Variants in WDHD1 observed in about 807,000 individuals in gnomAD.
WDHD1 encodes WD repeat and HMG-box DNA binding protein 1, also known as WD repeat and HMG-box DNA-binding protein 1.
A neutral mutation model predicts 135.4 loss-of-function variants in WDHD1; 111 were observed. That is an observed-to-expected ratio of 0.82 (90% confidence interval 0.70 to 0.96). WDHD1 has a LOEUF of 0.96. Ranked by LOEUF, WDHD1 falls within the 40% of genes least tolerant of loss-of-function variation. The probability of loss-of-function intolerance (pLI) is 0.00; values close to 1 mark genes in which losing one functional copy is unlikely to be tolerated. For missense variants in WDHD1, 1,351 were observed against 1,336.3 expected (o/e 1.01, Z -0.17); for synonymous variants, 434 against 439.0 (o/e 0.99, Z 0.14).
chr14:54,991,597 A>G (rs1260897241), intron 11 of WDHD1, among the ~76,000 whole-genome samples, 197 bp from the exon 12 acceptor site: 4 of 152,346 alleles, frequency 2.6e-5, no homozygotes, highest in Admixed American at 2.6e-4. Flanking sequence ...CTTGGCACCA[A>G]TCAAGGCAGT....
intron 16 of WDHD1, among the ~76,000 whole-genome samples, chr14:54,973,909 A>AT (rs925976319): frequency 1.3e-5 from 2 of 152,146 alleles, no homozygotes; most frequent in African/African-American, 4.8e-5. Flanking sequence ...ACCAATTCGC[A>AT]TTTTTTTATC....
At chr14:55,022,082 ACACCTT>A (rs1219341766) in intron 2 of WDHD1, among the ~76,000 whole-genome samples, 3 of 152,138 alleles carry the variant, frequency 2.0e-5, no homozygotes, top group African/African-American at 7.2e-5. Context: ...TACCAGTTTG[ACACCTT>A]CAGTATTGAA....
At chr14:54,988,000 A>G (rs1012136465) in intron 13 of WDHD1, among the ~76,000 whole-genome samples, 1 of 152,234 alleles carries the variant, frequency 6.6e-6, no homozygotes, top group African/African-American at 2.4e-5. Flanking sequence ...AATCAGCTGA[A>G]GAAGGGATCA....
intron 7 of WDHD1, chr14:55,005,265 C>G (rs2840268): frequency 0.37 from 199,563 of 537,188 alleles, 40,048 homozygotes; most frequent in African/African-American, 0.65. Flanking sequence ...ATGGTAGGTA[C>G]GTTAACATAA....
Position 54,972,553 on chromosome 14 carries a change from C to CA in WDHD1, c.2064-5160dup, listed in dbSNP as rs71410642. Among the ~76,000 whole-genome samples the CA allele has an allele frequency of 7.2e-3, 183 of 25,496 alleles. 46 individuals are homozygous for CA. The highest frequency in any genetic ancestry group is 0.01 in the East Asian group (10 of 966). The allele number at this position is 25,496 out of a possible 152,430, so 16.7% of individuals were successfully genotyped here. Reference sequence around the variant, plus strand: ...CCTGGGCAATAAAGCAAGACTGTCACAAAAAAAAAAAAAAAAAAAAAAAAA... The same window carrying CA: ...CCTGGGCAATAAAGCAAGACTGTCACAAAAAAAAAAAAAAAAAAAAAAAAAA... On this transcript the variant is annotated intron_variant, in intron 16 of 25. Transcript: ENST00000360586.
intron 14 of WDHD1, 95 bp downstream of exon 14, chr14:54,987,051 T>C: frequency 7.2e-7 from 1 of 1,390,764 alleles, no homozygotes; most frequent in South Asian, 1.4e-5. Flanking sequence ...CAAAAGGAAG[T>C]ATATAATCCA....
chr14:55,022,508 C>A (rs556891051), intron 2 of WDHD1, among the ~76,000 whole-genome samples: 2 of 152,134 alleles, frequency 1.3e-5, no homozygotes, highest in Admixed American at 1.3e-4. Flanking sequence ...ATGGCAAAAC[C>A]CCGTCTCTAC....
chr14:54,948,985 C>T (rs934327907), intron 24 of WDHD1, among the ~76,000 whole-genome samples: 12 of 152,222 alleles, frequency 7.9e-5, no homozygotes, highest in Admixed American at 3.9e-4. Flanking sequence ...GACATCCATA[C>T]CAAAACCCCA....
At chr14:54,967,460 A>G in intron 16 of WDHD1, 66 bp from the exon 17 acceptor site, 1 of 1,064,422 alleles carries the variant, frequency 9.4e-7, no homozygotes, top group Non-Finnish European at 1.4e-6. Flanking sequence ...CAAAATTTAA[A>G]AAGTTTTCAA....
chr14:55,008,217 C>A, intron 6 of WDHD1, 99 bp downstream of exon 6: 2 of 1,205,024 alleles, frequency 1.7e-6, no homozygotes, highest in South Asian at 1.5e-5. Context: ...GAAACAAATT[C>A]CAAAGAAAAG....
chr14:54,952,720 TCACG>T (rs1406718016), intron 24 of WDHD1, among the ~76,000 whole-genome samples: 4 of 152,308 alleles, frequency 2.6e-5, no homozygotes, highest in African/African-American at 4.8e-5. Flanking sequence ...GCTGGAGGCA[TCACG>T]CTACCTGACT....
At chr14:54,946,564 A>G (rs986746626) in intron 24 of WDHD1, among the ~76,000 whole-genome samples, 1 of 152,102 alleles carries the variant, frequency 6.6e-6, no homozygotes, top group East Asian at 1.9e-4. Context: ...GCTCACTGCC[A>G]CCTCAAATTC....
At position 55,007,385 on chromosome 14, in the gene WDHD1, A is replaced by T; in HGVS notation, c.505-10T>A. On this transcript the variant is annotated splice_polypyrimidine_tract_variant and intron_variant, in intron 6 of 25. Coordinates refer to ENST00000360586, the MANE Select transcript of WDHD1 (RefSeq NM_007086.4). ...AACTAATAGCACATGTCTAATTGGT[A>T]AAAAAAGAAAATTTCTTTCCTTTAT... 1 of 1,557,768 alleles carries T rather than the reference A, an allele frequency of 6.4e-7. No homozygotes were observed. Among genetic ancestry groups the T allele is most frequent in the Non-Finnish European group, 8.7e-7 (1 of 1,152,678 alleles).
intron 2 of WDHD1, among the ~76,000 whole-genome samples, chr14:55,015,410 A>G (rs1029416213): frequency 3.7e-5 from 5 of 136,214 alleles, no homozygotes; most frequent in Admixed American, 1.5e-4. Context: ...AAAAAAGGCT[A>G]GGGTGGGTTT....
In WDHD1 at chr14:55,026,708, TA is replaced by T; in HGVS notation, c.77+2del. 3 of 1,614,192 alleles carry T rather than the reference TA, an allele frequency of 1.9e-6. No homozygotes were observed. The highest frequency in any genetic ancestry group is 2.5e-6 in the Non-Finnish European group (3 of 1,180,000). On this transcript the variant is annotated splice_donor_variant, in intron 2 of 25. Transcript: ENST00000360586. LOFTEE classifies it high-confidence loss of function. The stretch of plus-strand genomic sequence containing the variant: ...TAAAACGTTGTTTCTCAAAGAACCT[TA>T]CCTCCCAGAATCATCAAAACAGACC...
intron 23 of WDHD1, 137 bp from the exon 24 acceptor site, chr14:54,955,831 A>G (rs1479983058): frequency 1.2e-6 from 1 of 809,214 alleles, no homozygotes; most frequent in East Asian, 3.7e-5. Context: ...TGGAGTTCTC[A>G]GTTGTAAATA....
intron 21 of WDHD1, among the ~76,000 whole-genome samples, chr14:54,957,941 C>T (rs2041187539): frequency 6.6e-6 from 1 of 152,180 alleles, no homozygotes; most frequent in Non-Finnish European, 1.5e-5. Flanking sequence ...TACTTGTGTT[C>T]TGCATCCCAT....
chr14:55,010,427 T>C lies in WDHD1; in HGVS notation c.223A>G (p.Thr75Ala). 2.5e-6 allele frequency: 4 copies of C among 1,607,662 alleles called. No homozygotes were observed. Among genetic ancestry groups the C allele is most frequent in the African/African-American group, 1.3e-5 (1 of 74,704 alleles). The change falls in exon 4 of 26, where the codon ACT (threonine) becomes GCT (alanine). Residue 75 changes from threonine to alanine, a missense_variant. Thr to Ala is a moderately conservative substitution (Grantham distance 58, BLOSUM62 0). This residue lies in a region of WDHD1 where 1,330 missense variants were observed against 1,296.1 expected (regional missense o/e 1.03). Coordinates refer to ENST00000360586, the MANE Select transcript of WDHD1 (RefSeq NM_007086.4). ...GKLVTAVSNN[T>A]IQVHTFPEGV... is the part of the protein sequence containing the mutation. ...TCAGGAAATGTGTGGACTTGAATAG[T>C]ATTATTAGAAACTGCAGTGACCAGT... is the stretch of plus-strand genomic sequence containing the variant.
intron 24 of WDHD1, among the ~76,000 whole-genome samples, chr14:54,948,994 C>A (rs1249987837): frequency 6.6e-6 from 1 of 152,124 alleles, no homozygotes; most frequent in Non-Finnish European, 1.5e-5. Flanking sequence ...ACCAAAACCC[C>A]ATGTGTACGT....
Sources: allele counts gnomAD v4.1 joint callset (sites outside exome capture counted in the v4.1 genomes callset), GRCh38; gene constraint gnomAD v4.1.1; regional missense constraint gnomAD v4.1.1; transcripts MANE v1.5; gene names NCBI Gene and HGNC (gene_info 2026-07-23, HGNC 2026-07-21).